The following BCAS3 variants were observed in gnomAD, a reference collection of about 807,000 sequenced individuals.
The protein encoded by BCAS3 is BCAS3 microtubule associated cell migration factor, also known as BCAS4/BCAS3 fusion.
A neutral mutation model predicts 116.1 loss-of-function variants in BCAS3; 53 were observed. The ratio of observed to expected loss-of-function variants is 0.46; its 90% CI spans 0.37 to 0.57. The LOEUF (loss-of-function observed/expected upper bound fraction) is 0.57, where lower values mean the gene tolerates loss of function less well. Among genes scored for constraint, BCAS3 ranks in the 20% least tolerant of loss-of-function variants. BCAS3 has a pLI of 0.00. For synonymous variants in BCAS3, 391 were observed against 408.2 expected (o/e 0.96, Z 0.51); for missense variants, 917 against 1,165.4 (o/e 0.79, Z 3.10).
intron 14 of BCAS3, among the ~76,000 whole-genome samples, chr17:60,971,449 G>A (rs2061955928): frequency 6.6e-6 from 1 of 152,158 alleles, no homozygotes; most frequent in Non-Finnish European, 1.5e-5. Context: ...TTGGCCCACC[G>A]ACATAGTTTT....
At chr17:61,069,917 A>C in intron 19 of BCAS3, 1 of 1,507,572 alleles carries the variant, frequency 6.6e-7, no homozygotes, top group Non-Finnish European at 9.1e-7. Flanking sequence ...CCTAAAGCCG[A>C]AGCCAAAGCG....
chr17:61,290,052 G>T, intron 22 of BCAS3, among the ~76,000 whole-genome samples: 1 of 152,160 alleles, frequency 6.6e-6, no homozygotes, highest in Non-Finnish European at 1.5e-5. Context: ...ACTTGGGTTC[G>T]TGTGTGTAAA....
At position 61,041,666 on chromosome 17, in the gene BCAS3, G is replaced by A. The variant is rs2067519216; in HGVS notation, c.2029+774G>A. Among the ~76,000 whole-genome samples, 3 of 151,776 alleles carry A rather than the reference G, an allele frequency of 2.0e-5. No individual in the cohort carries two copies. Among genetic ancestry groups the A allele is most frequent in the Non-Finnish European group, 4.4e-5 (3 of 67,926 alleles). On this transcript the variant is annotated intron_variant, in intron 19 of 23. Coordinates refer to ENST00000407086, the MANE Select transcript of BCAS3 (RefSeq NM_017679.5). The surrounding 1 kb of genome is among the most constrained non-coding windows in gnomAD (Gnocchi z 4.7). ...TTGTATTTAACACATTGTCTTGCCC[G>A]GTATATTAGAAAGCATGAATTAAAA...
chr17:60,812,478 TA>T (rs1437182436), intron 7 of BCAS3, among the ~76,000 whole-genome samples: 1 of 152,290 alleles, frequency 6.6e-6, no homozygotes, highest in East Asian at 1.9e-4. Context: ...TTTGGAAAAT[TA>T]AGGTGGTCCT....
chr17:61,074,906 T>C lies in BCAS3; in HGVS notation c.2030-14T>C. 6.3e-7 allele frequency: 1 copy of C among 1,580,784 alleles called. No homozygotes were observed. Among genetic ancestry groups the C allele is most frequent in the Non-Finnish European group, 8.7e-7 (1 of 1,154,698 alleles). On this transcript the variant is annotated splice_polypyrimidine_tract_variant and intron_variant, in intron 19 of 23. Transcript: ENST00000407086. Reference sequence around the variant, plus strand: ...GGAATGAAGTGGTTTAAATCTATTTTCTTTCTCCTATAGTGGTTCCCCCTG... The same window carrying C: ...GGAATGAAGTGGTTTAAATCTATTTCCTTTCTCCTATAGTGGTTCCCCCTG...
At chr17:61,223,266 T>A (rs1259874644) in intron 22 of BCAS3, among the ~76,000 whole-genome samples, 1 of 148,416 alleles carries the variant, frequency 6.7e-6, no homozygotes, top group Non-Finnish European at 1.5e-5. Context: ...CAAGCAGTTC[T>A]CCTGCCTCAG....
chr17:60,813,752 G>A lies in BCAS3; in HGVS notation c.476+5676G>A, dbSNP rs372483984. On this transcript the variant is annotated intron_variant, in intron 7 of 23. Coordinates refer to ENST00000407086, the MANE Select transcript of BCAS3 (RefSeq NM_017679.5). ...CAGTGTCCAGAATGGTATTTCCTAG[G>A]TTTTCTTCTAGGATTTTTATAGTTT... is the stretch of plus-strand genomic sequence containing the variant. 4.6e-5 allele frequency among the ~76,000 whole-genome samples: 7 copies of A among 152,016 alleles called. No individual in the cohort carries two copies. The East Asian group carries it at 1.2e-3, about 25-fold the overall frequency.
rs2059961129 is a variant in BCAS3, at chr17:61,388,397, C to G, written c.2594-3580C>G. ...CCCACTCTGAACGGGGTCTTGGCCCCCTCTGTCACAGCAGATCCATCTCTG... is the reference window on the plus strand; with the variant it reads ...CCCACTCTGAACGGGGTCTTGGCCCGCTCTGTCACAGCAGATCCATCTCTG... On this transcript the variant is annotated intron_variant, in intron 23 of 23. Coordinates refer to ENST00000407086, the MANE Select transcript of BCAS3 (RefSeq NM_017679.5). This position sits in a 1 kb window ranked among gnomAD's most constrained non-coding sequence, Gnocchi z 6.5. 2 of 508,414 alleles carry G rather than the reference C, an allele frequency of 3.9e-6. No homozygotes were observed. Among genetic ancestry groups the G allele is most frequent in the Non-Finnish European group, 3.5e-6 (1 of 283,628 alleles). 31.5% of individuals were successfully genotyped at this position (508,414 alleles called of 1,614,324 possible).
intron 22 of BCAS3, among the ~76,000 whole-genome samples, chr17:61,231,453 A>C (rs1318756103): frequency 1.3e-5 from 2 of 152,138 alleles, no homozygotes; most frequent in African/African-American, 4.8e-5. Context: ...CGGTTTTAGA[A>C]GTTTCAGATA....
rs760438772 is a variant in BCAS3, at chr17:61,161,432, C to T, written c.2425+76868C>T. 5.9e-5 allele frequency among the ~76,000 whole-genome samples: 9 copies of T among 152,132 alleles called. No individual in the cohort carries two copies. Among genetic ancestry groups the T allele is most frequent in the Non-Finnish European group, 1.3e-4 (9 of 68,034 alleles). ...TTGCATTTAATTTAAAGCAGTTGTC[C>T]CAATTTCATTACCACAGAGCATAGC... On this transcript the variant is annotated intron_variant, in intron 22 of 23. Transcript: ENST00000407086. This position sits in a 1 kb window ranked among gnomAD's most constrained non-coding sequence, Gnocchi z 4.8.
chr17:61,310,216 A>G (rs1402735528), intron 22 of BCAS3, among the ~76,000 whole-genome samples: 1 of 152,042 alleles, frequency 6.6e-6, no homozygotes, highest in Non-Finnish European at 1.5e-5. Flanking sequence ...TCTCTGGCCC[A>G]CTAACCCCAA....
chr17:61,291,370 A>T (rs1031629219), intron 22 of BCAS3, among the ~76,000 whole-genome samples: 1 of 152,186 alleles, frequency 6.6e-6, no homozygotes, highest in Non-Finnish European at 1.5e-5. Context: ...ATGTGGGGAG[A>T]GGAATTGAGC....
intron 5 of BCAS3, among the ~76,000 whole-genome samples, chr17:60,732,303 T>C (rs187416728): frequency 1.3e-5 from 2 of 152,326 alleles, no homozygotes; most frequent in Admixed American, 6.5e-5. Context: ...TAGATAAGAT[T>C]GGTAACTCTG....
rs773776360 is a variant in BCAS3, at chr17:61,220,017, C to T, written c.2425+135453C>T. ...TGCCGTTAAAACTAAAGTTTTCGGC[C>T]GGGCGCGGTGGCTCACGCCTGTAAT... On this transcript the variant is annotated intron_variant, in intron 22 of 23. Coordinates refer to ENST00000407086, the MANE Select transcript of BCAS3 (RefSeq NM_017679.5). This position sits in a 1 kb window ranked among gnomAD's most constrained non-coding sequence, Gnocchi z 4.5. 1.3e-5 allele frequency among the ~76,000 whole-genome samples: 2 copies of T among 151,994 alleles called. No homozygotes were observed. Among genetic ancestry groups the T allele is most frequent in the African/African-American group, 2.4e-5 (1 of 41,374 alleles).
intron 15 of BCAS3, among the ~76,000 whole-genome samples, chr17:60,999,903 ATT>A (rs909405537): frequency 6.6e-6 from 1 of 151,772 alleles, no homozygotes; most frequent in South Asian, 2.1e-4. Flanking sequence ...TATTTTATGG[ATT>A]TTTTTGTGGC....
At chr17:61,291,295 C>T (rs9909297) in intron 22 of BCAS3, among the ~76,000 whole-genome samples, 117,690 of 152,162 alleles carry the variant, frequency 0.77, 45,687 homozygotes, top group South Asian at 0.88. Flanking sequence ...ATTTAAAACA[C>T]GATTACATAT....
At chr17:61,121,154 A>G (rs1047120181) in intron 22 of BCAS3, among the ~76,000 whole-genome samples, 1 of 152,124 alleles carries the variant, frequency 6.6e-6, no homozygotes, top group Non-Finnish European at 1.5e-5. Flanking sequence ...TTCAGCATAC[A>G]GAGTTGCAAT....
rs1384577441 is a variant in BCAS3, at chr17:61,229,961, C to A, written c.2426-138366C>A. 1.3e-5 allele frequency among the ~76,000 whole-genome samples: 2 copies of A among 152,172 alleles called. No individual in the cohort carries two copies. Among genetic ancestry groups the A allele is most frequent in the Non-Finnish European group, 2.9e-5 (2 of 68,028 alleles). ...CCAATATAGCAAAATCTGGTCTCTA[C>A]CGAAAATACAAAAATTAGCCGGGCG... On this transcript the variant is annotated intron_variant, in intron 22 of 23. Transcript: ENST00000407086. The surrounding 1 kb of genome is among the most constrained non-coding windows in gnomAD (Gnocchi z 4.4).
chr17:61,296,901 T>C (rs1207049789), intron 22 of BCAS3, among the ~76,000 whole-genome samples: 2 of 152,128 alleles, frequency 1.3e-5, no homozygotes, highest in Admixed American at 6.6e-5. Flanking sequence ...GGGCTGATCA[T>C]GGGGAGGTTG....
Sources: gnomAD v4.1 joint callset for allele counts (sites outside exome capture counted in the v4.1 genomes callset) on GRCh38, gnomAD v4.1.1 for gene constraint, Gnocchi (gnomAD v3.1) non-coding constraint, MANE v1.5 for transcripts, NCBI Gene and HGNC (gene_info 2026-07-23, HGNC 2026-07-21) for gene names.